The following ARHGAP25 variants were observed in gnomAD, a reference collection of about 807,000 sequenced individuals.
The protein encoded by ARHGAP25 is rho GTPase-activating protein 25.
ARHGAP25 carries 34 observed loss-of-function variants against 71.0 expected under a neutral mutation model. That is an observed-to-expected ratio of 0.48 (90% CI 0.36 to 0.64). ARHGAP25 has a LOEUF of 0.64. Ranked by LOEUF, ARHGAP25 falls within the 30% of genes least tolerant of loss-of-function variation. ARHGAP25 has a pLI of 0.00. For missense variants in ARHGAP25, 706 were observed against 805.1 expected (o/e 0.88, Z 1.49); for synonymous variants, 282 against 296.5 (o/e 0.95, Z 0.50).
intron 4 of ARHGAP25, among the ~76,000 whole-genome samples, chr2:68,797,993 T>A (rs1679689898): frequency 6.6e-6 from 1 of 152,226 alleles, no homozygotes; most frequent in Non-Finnish European, 1.5e-5. Flanking sequence ...TTTGTTGAAC[T>A]CCCAAGTTCT....
chr2:68,717,005 T>A (rs536583296), intron 2 of ARHGAP25, among the ~76,000 whole-genome samples: 8 of 152,350 alleles, frequency 5.3e-5, no homozygotes, highest in African/African-American at 1.7e-4. Flanking sequence ...TGAAGATATG[T>A]TCTGAGAAAT....
Position 68,813,400 on chromosome 2 carries a change from C to A in ARHGAP25, c.788C>A (p.Thr263Lys). 6.2e-7 allele frequency: 1 copy of A among 1,612,702 alleles called. No individual in the cohort carries two copies. Among genetic ancestry groups the A allele is most frequent in the Non-Finnish European group, 8.5e-7 (1 of 1,179,550 alleles). ...GGGTTCCTGCTCTGTGGGCAGCTCA[C>A]GAATGCGGATGAGGCAAAGGTTTGC... ...YEGFLLCGQL[T>K]NADEAKAQQE... is the part of the protein sequence containing the mutation. Residue 263 changes from threonine (T) to lysine (K), a missense_variant, in exon 6 of 11, where the codon ACG becomes AAG. Transcript: ENST00000409202.
At chr2:68,797,892 T>C (rs936810769) in intron 4 of ARHGAP25, among the ~76,000 whole-genome samples, 3 of 152,222 alleles carry the variant, frequency 2.0e-5, no homozygotes, top group African/African-American at 4.8e-5. Flanking sequence ...CCTCTCCCAT[T>C]TGGGGGATTC....
chr2:68,783,466 G>GTT (rs1260324902), intron 3 of ARHGAP25, among the ~76,000 whole-genome samples: 6 of 143,920 alleles, frequency 4.2e-5, no homozygotes, highest in African/African-American at 1.5e-4. Context: ...TTTTGTTTTT[G>GTT]TTTTTTTTTT....
chr2:68,799,512 G>C (rs1679811710), intron 4 of ARHGAP25, among the ~76,000 whole-genome samples: 1 of 152,316 alleles, frequency 6.6e-6, no homozygotes, highest in South Asian at 2.1e-4. Flanking sequence ...TAAACGCTAA[G>C]TGAAATTCTG....
At chr2:68,819,038 T>G in intron 8 of ARHGAP25, 85 bp from the exon 9 acceptor site, 1 of 1,244,364 alleles carries the variant, frequency 8.0e-7, no homozygotes, top group Non-Finnish European at 1.1e-6. Flanking sequence ...GAACCGAGTT[T>G]GGAGACATCC....
chr2:68,818,713 G>T (rs1162919437), intron 8 of ARHGAP25, among the ~76,000 whole-genome samples: 2 of 152,372 alleles, frequency 1.3e-5, no homozygotes, highest in East Asian at 3.9e-4. Context: ...CTGACACAGA[G>T]TACTGATATC....
intron 4 of ARHGAP25, among the ~76,000 whole-genome samples, chr2:68,793,811 A>C (rs1679358307): frequency 6.6e-6 from 1 of 152,116 alleles, no homozygotes; most frequent in South Asian, 2.1e-4. Flanking sequence ...TCTGTGAAGA[A>C]ATGACGTTGG....
intron 4 of ARHGAP25, among the ~76,000 whole-genome samples, chr2:68,806,787 T>C (rs1309754551): frequency 3.3e-5 from 5 of 152,240 alleles, no homozygotes; most frequent in Non-Finnish European, 7.3e-5. Context: ...TTTACTACTC[T>C]GTGACGCCAG....
At chr2:68,824,012 G>A (rs186696623) in intron 10 of ARHGAP25, among the ~76,000 whole-genome samples, 4 of 152,172 alleles carry the variant, frequency 2.6e-5, no homozygotes, top group African/African-American at 4.8e-5. Flanking sequence ...TTATGGCTAC[G>A]TCTTAGTCCA....
intron 9 of ARHGAP25, among the ~76,000 whole-genome samples, chr2:68,820,441 G>A (rs1681560439): frequency 6.6e-6 from 1 of 152,184 alleles, no homozygotes; most frequent in Admixed American, 6.5e-5. Flanking sequence ...CTCAGATCCA[G>A]TCCTCCCTTC....
At chr2:68,791,828 G>T (rs538081431) in intron 4 of ARHGAP25, among the ~76,000 whole-genome samples, 1 of 151,936 alleles carries the variant, frequency 6.6e-6, no homozygotes, top group Non-Finnish European at 1.5e-5. Flanking sequence ...TCTTCCTCAG[G>T]GCTCCTCCTG....
chr2:68,737,844 G>C (rs893615443), intron 1 of ARHGAP25, among the ~76,000 whole-genome samples: 2 of 152,126 alleles, frequency 1.3e-5, no homozygotes, highest in African/African-American at 2.4e-5. Context: ...GATGAGCTAT[G>C]CTTCCAGTTT....
intron 4 of ARHGAP25, among the ~76,000 whole-genome samples, chr2:68,795,114 T>C (rs1314450106): frequency 6.6e-6 from 1 of 152,172 alleles, no homozygotes; most frequent in East Asian, 1.9e-4. Context: ...GTATTAGTTG[T>C]AATGTCTCCT....
chr2:68,780,171 C>T (rs932886514), intron 2 of ARHGAP25, among the ~76,000 whole-genome samples: 3 of 152,202 alleles, frequency 2.0e-5, no homozygotes, highest in Non-Finnish European at 4.4e-5. Flanking sequence ...ATTAGATGTG[C>T]TGATACATTC....
chr2:68,791,309 A>G (rs1015280591), intron 4 of ARHGAP25, among the ~76,000 whole-genome samples: 5 of 152,320 alleles, frequency 3.3e-5, no homozygotes, highest in South Asian at 2.1e-4. Flanking sequence ...GTGCAGTACC[A>G]TATCCTAGAA....
chr2:68,748,860 CA>C (rs1558612273), intron 1 of ARHGAP25, among the ~76,000 whole-genome samples: 1 of 152,160 alleles, frequency 6.6e-6, no homozygotes, highest in Non-Finnish European at 1.5e-5. Context: ...CTCCTATAAT[CA>C]AAGTCTTCTT....
chr2:68,718,096 T>C (rs1438561583), intron 2 of ARHGAP25, among the ~76,000 whole-genome samples: 1 of 151,250 alleles, frequency 6.6e-6, no homozygotes, highest in African/African-American at 2.4e-5. Context: ...CATCAAAGAG[T>C]GTTATAAAGG....
At chr2:68,755,958 T>A (rs1444237441) in intron 1 of ARHGAP25, among the ~76,000 whole-genome samples, 1 of 152,272 alleles carries the variant, frequency 6.6e-6, no homozygotes, top group East Asian at 1.9e-4. Flanking sequence ...ATGCATTAAA[T>A]TTAATGAAAT....
Sources: allele counts gnomAD v4.1 joint callset (sites outside exome capture counted in the v4.1 genomes callset), GRCh38; gene constraint gnomAD v4.1.1; transcripts MANE v1.5; gene names NCBI Gene and HGNC (gene_info 2026-07-23, HGNC 2026-07-21).